Variants in PUDP observed in about 807,000 individuals in gnomAD.
The protein encoded by PUDP is pseudouridine 5'-phosphatase.
In PUDP, 8 loss-of-function variants were observed where a neutral mutation model predicts 9.4. That is an observed-to-expected ratio of 0.85 (90% confidence interval 0.50 to 1.53). The LOEUF is 1.53. Ranked by LOEUF, PUDP falls within the 40% of genes most tolerant of loss-of-function variation. The pLI is 0.00. For synonymous variants in PUDP, 99 were observed against 80.7 expected, an observed-to-expected ratio of 1.23 and a Z score of -1.22; for missense variants, 188 against 189.7, an observed-to-expected ratio of 0.99 and a Z score of 0.05.
At chrX:6,889,988 G>A in intron 3 of PUDP, among the ~76,000 whole-genome samples, 1 of 111,678 alleles carries the variant, frequency 9.0e-6, no homozygotes, top group East Asian at 2.8e-4. Flanking sequence ...AGATACTACA[G>A]GTGAGCACAG....
chrX:6,900,600 A>ATACG (rs1330034722), intron 3 of PUDP, among the ~76,000 whole-genome samples: 1 of 108,520 alleles, frequency 9.2e-6, no homozygotes, highest in African/African-American at 3.4e-5. Flanking sequence ...AAAGAGAGAG[A>ATACG]GAGAGAGAGA....
chrX:6,797,437 G>A (rs1041946055), intron 3 of PUDP, among the ~76,000 whole-genome samples: 1 of 111,440 alleles, frequency 9.0e-6, no homozygotes, highest in Middle Eastern at 4.6e-3. Flanking sequence ...CCGCAGCTAG[G>A]TCATAAAAGA....
chrX:6,983,685 G>A (rs745700794), intron 1 of PUDP, among the ~76,000 whole-genome samples: 2 of 111,748 alleles, frequency 1.8e-5, no homozygotes, highest in South Asian at 3.8e-4. Flanking sequence ...TTCAGCCTAC[G>A]CCCAGTAATG....
chrX:7,070,161 C>T (rs1356107522), intron 3 of PUDP, among the ~76,000 whole-genome samples: 6 of 112,010 alleles, frequency 5.4e-5, no homozygotes, highest in Non-Finnish European at 9.4e-5. Context: ...CAAGTGCCCT[C>T]GTGCCAGGAA....
At chrX:6,983,157 T>C in intron 1 of PUDP, among the ~76,000 whole-genome samples, 1 of 112,000 alleles carries the variant, frequency 8.9e-6, no homozygotes, top group Non-Finnish European at 1.9e-5. Flanking sequence ...ACAGAGGAAT[T>C]ACCATAGAGA....
At chrX:7,063,359 A>G (rs1243607299) in intron 3 of PUDP, among the ~76,000 whole-genome samples, 1 of 112,131 alleles carries the variant, frequency 8.9e-6, no homozygotes, top group Admixed American at 9.5e-5. Context: ...CAGGTAAAGC[A>G]TGGAGATTCT....
At chrX:7,074,313 A>G (rs1323070817) in intron 3 of PUDP, among the ~76,000 whole-genome samples, 1 of 112,161 alleles carries the variant, frequency 8.9e-6, no homozygotes, top group Non-Finnish European at 1.9e-5. Context: ...GTTGCAGTGA[A>G]CTACGATTGT....
At chrX:6,867,362 AG>A (rs1331973857) in intron 3 of PUDP, among the ~76,000 whole-genome samples, 1 of 112,116 alleles carries the variant, frequency 8.9e-6, no homozygotes, top group Non-Finnish European at 1.9e-5. Context: ...CAAGGAATAC[AG>A]CACCCTCACT....
Position 7,128,233 on chromosome X carries a change from G to C in PUDP, c.61+19820C>G, listed in dbSNP as rs1229342878. Among the ~76,000 whole-genome samples, 3 of 110,760 alleles carry C rather than the reference G, an allele frequency of 2.7e-5. No individual in the cohort carries two copies. In the Admixed American group the frequency reaches 2.9e-4, roughly 11 times the overall value. On this transcript the variant is annotated intron_variant, in intron 1 of 3. Coordinates refer to ENST00000381077, the MANE Select transcript of PUDP (RefSeq NM_012080.5). ...ATTTTTGTATTTTTTGTAGAGACAG[G>C]GTTTCGCCATGTTGCCCAGGCTAGT...
chrX:6,802,745 C>G (rs1033896634), intron 3 of PUDP, among the ~76,000 whole-genome samples: 1 of 108,548 alleles, frequency 9.2e-6, no homozygotes, highest in Non-Finnish European at 1.9e-5. Flanking sequence ...ATTAGCCAGG[C>G]CTGGTGGCAG....
Position 7,049,932 on chromosome X carries a change from T to C in PUDP, c.*364A>G, listed in dbSNP as rs1930048382. On this transcript the variant is annotated 3_prime_UTR_variant, in exon 4 of 4. Transcript: ENST00000381077. Reference sequence around the variant, plus strand: ...ATGCATATGTCTACATACATATGCATGTAATGCCTACCTGCATATTACCAA... The same window carrying C: ...ATGCATATGTCTACATACATATGCACGTAATGCCTACCTGCATATTACCAA... 6.4e-6 allele frequency: 1 copy of C among 155,715 alleles called. No homozygotes were observed. The highest frequency in any genetic ancestry group is 8.0e-5 in the Admixed American group (1 of 12,440). 12.8% of individuals were successfully genotyped at this position (155,715 alleles called of 1,213,427 possible).
At chrX:6,747,951 C>T (rs1260698021) in intron 3 of PUDP, among the ~76,000 whole-genome samples, 2 of 111,963 alleles carry the variant, frequency 1.8e-5, no homozygotes, top group African/African-American at 6.5e-5. Context: ...TTCTAAGTTA[C>T]TACATGTCCT....
At chrX:6,902,704 T>C (rs1927708782) in intron 3 of PUDP, among the ~76,000 whole-genome samples, 1 of 111,664 alleles carries the variant, frequency 9.0e-6, no homozygotes, top group Non-Finnish European at 1.9e-5. Flanking sequence ...GTCTGGCTGG[T>C]GCCATCACTG....
intron 3 of PUDP, among the ~76,000 whole-genome samples, chrX:6,728,997 G>A (rs960502552): frequency 9.0e-6 from 1 of 111,281 alleles, no homozygotes; most frequent in Non-Finnish European, 1.9e-5. Flanking sequence ...GGCTTGTCTG[G>A]CGCCTTTCTC....
intron 1 of PUDP, among the ~76,000 whole-genome samples, chrX:7,128,572 C>G (rs1314227037): frequency 9.0e-6 from 1 of 111,004 alleles, no homozygotes; most frequent in Non-Finnish European, 1.9e-5. Flanking sequence ...ATGGCACGGG[C>G]GGCAGTCGCT....
At chrX:7,143,664 T>G (rs994014197) in intron 1 of PUDP, among the ~76,000 whole-genome samples, 4 of 112,294 alleles carry the variant, frequency 3.6e-5, no homozygotes, top group African/African-American at 1.3e-4. Flanking sequence ...CTGATGCTGT[T>G]TCTCCAACAT....
At chrX:6,945,736 G>C (rs750617708) in intron 3 of PUDP, among the ~76,000 whole-genome samples, 2 of 111,128 alleles carry the variant, frequency 1.8e-5, no homozygotes, top group South Asian at 7.7e-4. Flanking sequence ...AGAAAAAAAA[G>C]CAAATCATAA....
chrX:6,832,932 A>G (rs1170946275), intron 3 of PUDP, among the ~76,000 whole-genome samples: 2 of 109,956 alleles, frequency 1.8e-5, no homozygotes, highest in African/African-American at 6.7e-5. Flanking sequence ...TAGAATAAAT[A>G]ATTTACTGTC....
chrX:6,870,176 T>C (rs1301482138), intron 3 of PUDP, among the ~76,000 whole-genome samples: 1 of 112,025 alleles, frequency 8.9e-6, no homozygotes, highest in Non-Finnish European at 1.9e-5. Flanking sequence ...GACAAGTTAT[T>C]ATTTAATGGA....
Sources: allele counts gnomAD v4.1 joint callset (sites outside exome capture counted in the v4.1 genomes callset), GRCh38; gene constraint gnomAD v4.1.1; transcripts MANE v1.5; gene names NCBI Gene and HGNC (gene_info 2026-07-23, HGNC 2026-07-21).